Variants in KCNS3 observed in about 807,000 individuals in gnomAD.
KCNS3 encodes potassium voltage-gated channel modifier subfamily S member 3.
In KCNS3, 13 loss-of-function variants were observed where a neutral mutation model predicts 31.0. That is an observed-to-expected ratio of 0.42 (90% CI 0.27 to 0.67). The LOEUF (loss-of-function observed/expected upper bound fraction) is 0.67, where lower values mean the gene tolerates loss of function less well. KCNS3 is among the 30% of genes least tolerant of loss of function. KCNS3 has a pLI of 0.25. For missense variants in KCNS3, 545 were observed against 622.4 expected, an observed-to-expected ratio of 0.88 and a Z score of 1.32; for synonymous variants, 238 against 241.5, an observed-to-expected ratio of 0.99 and a Z score of 0.13.
At chr2:17,899,551 A>G (rs1009514399) in intron 1 of KCNS3, among the ~76,000 whole-genome samples, 35 of 152,188 alleles carry the variant, frequency 2.3e-4, no homozygotes, top group Non-Finnish European at 3.7e-4. Flanking sequence ...CTGGATTCAA[A>G]TCTTAGCTCC....
At chr2:17,882,001 G>GT (rs1674654895) in intron 1 of KCNS3, among the ~76,000 whole-genome samples, 1 of 152,168 alleles carries the variant, frequency 6.6e-6, no homozygotes, top group Non-Finnish European at 1.5e-5. Flanking sequence ...CAGAAAATGT[G>GT]TTTATCAATA....
chr2:17,887,290 C>A (rs1420284427), intron 1 of KCNS3, among the ~76,000 whole-genome samples: 2 of 152,034 alleles, frequency 1.3e-5, no homozygotes, highest in African/African-American at 4.8e-5. Context: ...CCCTGAGTCC[C>A]CAAAGTCCAT....
chr2:17,895,901 A>G (rs1662014369), intron 1 of KCNS3, among the ~76,000 whole-genome samples: 1 of 152,150 alleles, frequency 6.6e-6, no homozygotes, highest in South Asian at 2.1e-4. Context: ...TGATGGAGTA[A>G]GGCAGAGGTA....
chr2:17,886,708 C>T (rs1195088426), intron 1 of KCNS3, among the ~76,000 whole-genome samples: 1 of 151,374 alleles, frequency 6.6e-6, no homozygotes, highest in African/African-American at 2.4e-5. Flanking sequence ...ATCCATCCAT[C>T]CATCCATCCC....
chr2:17,928,489 A>G (rs1662884901), intron 2 of KCNS3, among the ~76,000 whole-genome samples: 1 of 151,164 alleles, frequency 6.6e-6, no homozygotes, highest in African/African-American at 2.4e-5. Context: ...CTGGTCTTGA[A>G]CTCCTGGCCT....
intron 2 of KCNS3, among the ~76,000 whole-genome samples, chr2:17,924,398 A>G (rs1282765162): frequency 6.6e-6 from 1 of 152,090 alleles, no homozygotes; most frequent in Non-Finnish European, 1.5e-5. Context: ...AATGTTGAAT[A>G]AAAGTGGTGG....
At chr2:17,885,155 TTAAA>T (rs749900972) in intron 1 of KCNS3, among the ~76,000 whole-genome samples, 2 of 152,174 alleles carry the variant, frequency 1.3e-5, no homozygotes, top group Non-Finnish European at 2.9e-5. Context: ...TCAAATTAGC[TTAAA>T]TAGAGAGACA....
At chr2:17,878,439 G>C (rs1404578005), upstream of KCNS3, among the ~76,000 whole-genome samples, 1 of 151,830 alleles carries the variant, frequency 6.6e-6, no homozygotes, top group Non-Finnish European at 1.5e-5. Context: ...CGGCAGGGCA[G>C]CATCTAGGTC....
At chr2:17,887,528 T>TATC (rs985942354) in intron 1 of KCNS3, among the ~76,000 whole-genome samples, 1 of 151,960 alleles carries the variant, frequency 6.6e-6, no homozygotes, top group Non-Finnish European at 1.5e-5. Flanking sequence ...TCTATCTATC[T>TATC]ATCTCTGTAT....
intron 1 of KCNS3, among the ~76,000 whole-genome samples, chr2:17,889,970 C>G (rs1368359625): frequency 6.6e-6 from 1 of 152,110 alleles, no homozygotes; most frequent in Non-Finnish European, 1.5e-5. Flanking sequence ...CCTTCTTTCT[C>G]TATCTTGTGG....
chr2:17,903,769 C>A (rs1662245843), intron 1 of KCNS3, among the ~76,000 whole-genome samples: 1 of 152,104 alleles, frequency 6.6e-6, no homozygotes, highest in Admixed American at 6.5e-5. Flanking sequence ...CATCCATGTC[C>A]CTACAAAGGA....
intron 1 of KCNS3, among the ~76,000 whole-genome samples, chr2:17,884,268 A>AATATATATATATATATATAT (rs1227638443): frequency 1.9e-4 from 9 of 46,668 alleles, no homozygotes; most frequent in Non-Finnish European, 3.2e-4. Flanking sequence ...AAAAAAAAAA[A>AATATATATATATATATATAT]ATATATATAT....
intron 1 of KCNS3, among the ~76,000 whole-genome samples, chr2:17,914,720 G>T (rs1662549834): frequency 6.6e-6 from 1 of 152,226 alleles, no homozygotes; most frequent in South Asian, 2.1e-4. Flanking sequence ...GGCTTTCTCA[G>T]TCTAGAGGGT....
chr2:17,931,789 G>T lies in KCNS3; in HGVS notation c.781G>T (p.Val261Phe). 6.2e-7 allele frequency: 1 copy of T among 1,614,156 alleles called. No individual in the cohort carries two copies. The highest frequency in any genetic ancestry group is 8.5e-7 in the Non-Finnish European group (1 of 1,180,002). The change falls in exon 3 of 3, where the codon GTC becomes TTC. Residue 261 changes from valine (V) to phenylalanine (F), a missense_variant. By Grantham distance (50) the Val-to-Phe change is conservative. Transcript: ENST00000304101. The surrounding 1 kb of genome is among the most constrained non-coding windows in gnomAD (Gnocchi z 5.4). ...AAACCCTCTGAACATCATTGACTTT[G>T]TCTCTATTATTCCCTTCTATGCCAC... is the stretch of plus-strand genomic sequence containing the variant. The part of the protein sequence containing the change: ...WKNPLNIIDF[V>F]SIIPFYATLA...
At chr2:17,879,638 G>A (rs1037374003) in intron 1 of KCNS3, among the ~76,000 whole-genome samples, 8 of 152,218 alleles carry the variant, frequency 5.3e-5, no homozygotes, top group African/African-American at 1.7e-4. Context: ...CGGCGAGCCT[G>A]GCTGGGCGCC....
intron 1 of KCNS3, among the ~76,000 whole-genome samples, chr2:17,902,193 G>T (rs16984043): frequency 6.6e-6 from 1 of 152,030 alleles, no homozygotes; most frequent in Non-Finnish European, 1.5e-5. Flanking sequence ...GTGTCCTTTC[G>T]GTTTGGTCAC....
Position 17,902,344 on chromosome 2 carries a change from GTGTGTGTGTGT to G in KCNS3, c.-251-15335_-251-15325del, listed in dbSNP as rs983158280. Among the ~76,000 whole-genome samples the G allele has an allele frequency of 8.4e-4, 19 of 22,534 alleles. 1 individual carries two copies. Among genetic ancestry groups the G allele is most frequent in the African/African-American group, 3.0e-3 (17 of 5,654 alleles). 14.8% of individuals were successfully genotyped at this position (22,534 alleles called of 152,430 possible). A position where few individuals can be genotyped will look rare whatever the true frequency, so the allele number is the denominator to read the frequency against. On this transcript the variant is annotated intron_variant, in intron 1 of 2. Transcript: ENST00000304101. ...TTTGAGGTTGGGAGACTGTGTGTGT[GTGTGTGTGTGT>G]GTGTGTGTGTGTGTGTGTGTTTTAA...
chr2:17,882,487 CTG>C (rs1298020332), intron 1 of KCNS3, among the ~76,000 whole-genome samples: 1 of 152,190 alleles, frequency 6.6e-6, no homozygotes, highest in African/African-American at 2.4e-5. Context: ...TCACTTCTCT[CTG>C]GAGCTAGAGA....
chr2:17,894,502 A>T (rs1246991365), intron 1 of KCNS3, among the ~76,000 whole-genome samples: 6 of 152,214 alleles, frequency 3.9e-5, no homozygotes, highest in African/African-American at 1.4e-4. Context: ...AGGCCATTCT[A>T]CTGTGACCTT....
Sources: gnomAD v4.1 joint callset for allele counts (sites outside exome capture counted in the v4.1 genomes callset) on GRCh38, gnomAD v4.1.1 for gene constraint, Gnocchi (gnomAD v3.1) non-coding constraint, MANE v1.5 for transcripts, NCBI Gene and HGNC (gene_info 2026-07-23, HGNC 2026-07-21) for gene names.